The following LYPLAL1 variants were observed in gnomAD, a reference collection of about 807,000 sequenced individuals.
LYPLAL1 encodes the protein lysophospholipase like 1, also known as lysophospholipase-like protein 1.
LYPLAL1 carries 23 observed loss-of-function variants against 19.7 expected under a neutral mutation model. The observed-to-expected ratio is 1.17, with a 90% CI of 0.84 to 1.65. The LOEUF (loss-of-function observed/expected upper bound fraction) is 1.65, where lower values mean the gene tolerates loss of function less well. Ranked by LOEUF, LYPLAL1 falls within the 40% of genes most tolerant of loss-of-function variation. The pLI is 0.00. For missense variants in LYPLAL1, 355 were observed against 279.4 expected, an observed-to-expected ratio of 1.27 and a Z score of -1.93; for synonymous variants, 119 against 96.3, an observed-to-expected ratio of 1.24 and a Z score of -1.38.
intron 3 of LYPLAL1, among the ~76,000 whole-genome samples, chr1:219,207,626 G>A (rs1375919391): frequency 6.6e-6 from 1 of 151,956 alleles, no homozygotes; most frequent in Non-Finnish European, 1.5e-5. Flanking sequence ...TAAGCATAGA[G>A]GGATACATTG....
At chr1:219,399,443 C>T in the LYPLAL1 span, among the ~76,000 whole-genome samples, 9 of 152,298 alleles carry the variant, frequency 5.9e-5, no homozygotes, top group African/African-American at 2.2e-4. Context: ...GGATGGACTG[C>T]ACTCCTGCCA....
the LYPLAL1 span, among the ~76,000 whole-genome samples, chr1:219,302,213 G>T: frequency 6.6e-6 from 1 of 152,086 alleles, no homozygotes; most frequent in African/African-American, 2.4e-5. Flanking sequence ...CAGCTCAGAG[G>T]TGCTTCAATA....
At chr1:219,240,519 C>T in the LYPLAL1 span, among the ~76,000 whole-genome samples, 2 of 152,050 alleles carry the variant, frequency 1.3e-5, no homozygotes, top group African/African-American at 4.8e-5. Context: ...AATTTCCCTT[C>T]CCATTTATGG....
the LYPLAL1 span, among the ~76,000 whole-genome samples, chr1:219,303,320 G>A: frequency 6.6e-6 from 1 of 152,124 alleles, no homozygotes; most frequent in Non-Finnish European, 1.5e-5. Flanking sequence ...TTATCTTATA[G>A]TCTAGTGGGT....
the LYPLAL1 span, among the ~76,000 whole-genome samples, chr1:219,295,278 T>C: frequency 6.6e-6 from 1 of 152,142 alleles, no homozygotes; most frequent in Non-Finnish European, 1.5e-5. Flanking sequence ...CACACAACCA[T>C]TGAGAACCAT....
chr1:219,420,594 A>G, the LYPLAL1 span, among the ~76,000 whole-genome samples: 843 of 152,208 alleles, frequency 5.5e-3, 9 homozygotes, highest in African/African-American at 0.02. Context: ...CAGCGTACAC[A>G]TAGCCTAATT....
At chr1:219,238,304 A>ATTTTTT in the LYPLAL1 span, among the ~76,000 whole-genome samples, 936 of 81,832 alleles carry the variant, frequency 0.011, 78 homozygotes, top group African/African-American at 0.042. Flanking sequence ...CGCCCGGCTA[A>ATTTTTT]TTTTTTTTTT....
chr1:219,359,699 A>G, the LYPLAL1 span, among the ~76,000 whole-genome samples: 2 of 152,204 alleles, frequency 1.3e-5, no homozygotes, highest in Non-Finnish European at 2.9e-5. Context: ...CACAAAGGTA[A>G]TGAAAATGTC....
chr1:219,361,220 G>A, the LYPLAL1 span, among the ~76,000 whole-genome samples: 1 of 152,266 alleles, frequency 6.6e-6, no homozygotes, highest in African/African-American at 2.4e-5. Flanking sequence ...TAGAGAATAA[G>A]CTGGTGGGCT....
the LYPLAL1 span, among the ~76,000 whole-genome samples, chr1:219,358,695 A>G: frequency 6.6e-6 from 1 of 152,150 alleles, no homozygotes; most frequent in Non-Finnish European, 1.5e-5. Context: ...AAACCTCCCT[A>G]TGATCCAATC....
At chr1:219,304,573 T>TA in the LYPLAL1 span, among the ~76,000 whole-genome samples, 2 of 152,170 alleles carry the variant, frequency 1.3e-5, no homozygotes, top group Non-Finnish European at 2.9e-5. Context: ...AGAAGAGGCA[T>TA]AAAATATAAT....
chr1:219,192,971 G>T, intron 2 of LYPLAL1, 111 bp from the exon 3 acceptor site: 1 of 1,109,696 alleles, frequency 9.0e-7, no homozygotes, highest in Non-Finnish European at 1.2e-6. Context: ...ATAAAACTTA[G>T]AAGAAATTGA....
chr1:219,315,071 T>C, the LYPLAL1 span, among the ~76,000 whole-genome samples: 10 of 152,280 alleles, frequency 6.6e-5, no homozygotes, highest in African/African-American at 2.2e-4. Flanking sequence ...AGCTTTACTG[T>C]TGGTAACATA....
chr1:219,246,466 A>C, the LYPLAL1 span, among the ~76,000 whole-genome samples: 6 of 152,294 alleles, frequency 3.9e-5, no homozygotes, highest in South Asian at 1.2e-3. Flanking sequence ...GAAAAAAGAT[A>C]TTATTTACTG....
chr1:219,209,254 T>A (rs996340782), intron 3 of LYPLAL1, among the ~76,000 whole-genome samples: 4 of 152,088 alleles, frequency 2.6e-5, no homozygotes, highest in South Asian at 2.1e-4. Flanking sequence ...GTGCCTTTTT[T>A]AAAAAATCTA....
the LYPLAL1 span, chr1:219,437,318 T>A: frequency 6.6e-6 from 1 of 152,318 alleles, no homozygotes; most frequent in Non-Finnish European, 1.5e-5. Context: ...TCATCCCACC[T>A]GTAAAGCATT....
intron 1 of LYPLAL1, chr1:219,175,107 CT>C: frequency 1.0e-6 from 1 of 985,242 alleles, no homozygotes. Context: ...GAGGTATTCT[CT>C]TTATTTTGAA....
At chr1:219,338,693 G>C in the LYPLAL1 span, among the ~76,000 whole-genome samples, 1 of 151,498 alleles carries the variant, frequency 6.6e-6, no homozygotes, top group Non-Finnish European at 1.5e-5. Flanking sequence ...ACCTAACATT[G>C]CTTCATCTCA....
chr1:219,380,513 C>G, the LYPLAL1 span, among the ~76,000 whole-genome samples: 1 of 152,244 alleles, frequency 6.6e-6, no homozygotes, highest in Non-Finnish European at 1.5e-5. Context: ...GATCTTGACA[C>G]CAGCCTGGTG....
Sources: allele counts gnomAD v4.1 joint callset (sites outside exome capture counted in the v4.1 genomes callset), GRCh38; gene constraint gnomAD v4.1.1; transcripts MANE v1.5; gene names NCBI Gene and HGNC (gene_info 2026-07-23, HGNC 2026-07-21).